The following FEZ1 variants were observed in gnomAD, a reference collection of about 807,000 sequenced individuals.
FEZ1 encodes fasciculation and elongation protein zeta 1, also known as fasciculation and elongation protein zeta-1.
In FEZ1, 20 loss-of-function variants were observed where a neutral mutation model predicts 49.3. The observed-to-expected ratio is 0.41, with a 90% confidence interval of 0.29 to 0.59. FEZ1 has a LOEUF of 0.59. Ranked by LOEUF, FEZ1 falls within the 20% of genes least tolerant of loss-of-function variation. The pLI, the probability that FEZ1 is intolerant of heterozygous loss-of-function variation, is 0.36. For synonymous variants in FEZ1, 170 were observed against 180.9 expected (o/e 0.94, Z 0.48); for missense variants, 413 against 476.0 (o/e 0.87, Z 1.23).
chr11:125,446,309 T>C (rs1437603096), intron 9 of FEZ1, among the ~76,000 whole-genome samples, 198 bp from the exon 10 acceptor site: 4 of 151,504 alleles, frequency 2.6e-5, no homozygotes, highest in Admixed American at 2.6e-4. Flanking sequence ...CTCCGGGGCC[T>C]GAGTTCAAAT....
chr11:125,489,838 A>G lies in FEZ1; in HGVS notation c.-45-16T>C, dbSNP rs1957365220. ...ATGAGTTTATCTAAAAGAAATGAAC[A>G]GCGTAATGTGAGTTTAGACCAGGCT... is the stretch of plus-strand genomic sequence containing the variant. On this transcript the variant is annotated splice_polypyrimidine_tract_variant and intron_variant, in intron 1 of 9. Coordinates refer to ENST00000278919, the MANE Select transcript of FEZ1 (RefSeq NM_005103.5). This position sits in a 1 kb window ranked among gnomAD's most constrained non-coding sequence, Gnocchi z 4.2. 1 of 1,508,554 alleles carries G rather than the reference A, an allele frequency of 6.6e-7. No individual in the cohort carries two copies. The highest frequency in any genetic ancestry group is 8.8e-7 in the Non-Finnish European group (1 of 1,129,946). 93.4% of individuals were successfully genotyped at this position (1,508,554 alleles called of 1,614,324 possible). A position where few individuals can be genotyped will look rare whatever the true frequency, so the allele number is the denominator to read the frequency against.
At chr11:125,478,574 G>A (rs1326857650) in intron 3 of FEZ1, among the ~76,000 whole-genome samples, 2 of 152,222 alleles carry the variant, frequency 1.3e-5, no homozygotes, top group Non-Finnish European at 2.9e-5. Flanking sequence ...AAGGAATACA[G>A]AGCACTGGTT....
Position 125,489,288 on chromosome 11 carries a change from G to T in FEZ1, c.311+179C>A. ...TCAATTTAAGAAAGTTCTCCTCAGG[G>T]GACTGTAAAGGGACATATATAGAGC... On this transcript the variant is annotated intron_variant, in intron 2 of 9. Transcript: ENST00000278919. This position sits in a 1 kb window ranked among gnomAD's most constrained non-coding sequence, Gnocchi z 4.2. 7.9e-6 allele frequency: 10 copies of T among 1,260,366 alleles called. No individual in the cohort carries two copies. The highest frequency in any genetic ancestry group is 1.0e-5 in the Non-Finnish European group (10 of 1,002,944). The allele number at this position is 1,260,366 out of a possible 1,614,324, so 78.1% of individuals were successfully genotyped here.
chr11:125,463,369 C>A, intron 4 of FEZ1, 115 bp downstream of exon 4: 1 of 682,700 alleles, frequency 1.5e-6, no homozygotes, highest in Non-Finnish European at 2.6e-6. Context: ...AGCACAGGCA[C>A]CACATGACCA....
rs767974688 is a variant in FEZ1 at position 125,454,251 on chromosome 11, C to T, written c.940-41G>A. The T allele has an allele frequency of 4.0e-6, 6 of 1,494,790 alleles. No individual in the cohort carries two copies. In the Admixed American group the frequency reaches 5.2e-5, roughly 13 times the overall value. 92.6% of individuals were successfully genotyped at this position (1,494,790 alleles called of 1,614,324 possible). A position where few individuals can be genotyped will look rare whatever the true frequency, so the allele number is the denominator to read the frequency against. On this transcript the variant is annotated intron_variant, in intron 6 of 9. Transcript: ENST00000278919. ...ACTCAAGAAGGGCAAATGCTTCTTG[C>T]TACACTGTCACCACACCCAGGGACC...
intron 3 of FEZ1, among the ~76,000 whole-genome samples, chr11:125,471,263 G>A (rs1957180434): frequency 6.6e-6 from 1 of 152,008 alleles, no homozygotes; most frequent in Non-Finnish European, 1.5e-5. Flanking sequence ...TCAATATTAT[G>A]CCAAATGTCA....
At chr11:125,492,969 A>T (rs1169290419) in intron 1 of FEZ1, among the ~76,000 whole-genome samples, 1 of 96,656 alleles carries the variant, frequency 1.0e-5, no homozygotes, top group East Asian at 2.6e-4. Flanking sequence ...CCCTATCTTT[A>T]AAAAAAAAAA....
rs565967297 is a variant in FEZ1 at position 125,464,856 on chromosome 11, C to T, written c.412-1286G>A. ...AGATGGTGACATCTATTTCCGCTGT[C>T]AAACCCATATGCTCCTCTCTCTGCC... is the stretch of plus-strand genomic sequence containing the variant. On this transcript the variant is annotated intron_variant, in intron 3 of 9. Coordinates refer to ENST00000278919, the MANE Select transcript of FEZ1 (RefSeq NM_005103.5). Among the ~76,000 whole-genome samples, 13 of 152,286 alleles carry T rather than the reference C, an allele frequency of 8.5e-5. No individual in the cohort carries two copies. The East Asian group carries it at 2.3e-3, about 27-fold the overall frequency.
At chr11:125,478,309 G>C (rs929448795) in intron 3 of FEZ1, among the ~76,000 whole-genome samples, 4 of 152,142 alleles carry the variant, frequency 2.6e-5, no homozygotes, top group Non-Finnish European at 4.4e-5. Flanking sequence ...GAGCATGATG[G>C]CACATGCCTG....
chr11:125,474,511 A>G (rs1015249271), intron 3 of FEZ1, among the ~76,000 whole-genome samples: 2 of 152,232 alleles, frequency 1.3e-5, no homozygotes, highest in African/African-American at 4.8e-5. Context: ...AGATAATGTT[A>G]AGAAAATTAA....
chr11:125,454,928 C>T (rs566206180), intron 6 of FEZ1, among the ~76,000 whole-genome samples: 5 of 150,192 alleles, frequency 3.3e-5, no homozygotes, highest in South Asian at 2.1e-4. Context: ...ACAGGAGAAT[C>T]GCTTGAACCC....
intron 5 of FEZ1, among the ~76,000 whole-genome samples, chr11:125,456,683 G>A (rs570153157): frequency 2.0e-5 from 3 of 152,288 alleles, no homozygotes; most frequent in South Asian, 2.1e-4. Flanking sequence ...AAAGCCTAGC[G>A]GGTTAGCATA....
intron 9 of FEZ1, among the ~76,000 whole-genome samples, chr11:125,446,420 C>A (rs1956899686): frequency 6.6e-6 from 1 of 152,216 alleles, no homozygotes; most frequent in Non-Finnish European, 1.5e-5. Flanking sequence ...CTGCGCCTAC[C>A]CCGCAGGGTT....
At chr11:125,446,159 G>T (rs761727083) in intron 9 of FEZ1, 48 bp from the exon 10 acceptor site, 2 of 1,605,596 alleles carry the variant, frequency 1.2e-6, no homozygotes, top group African/African-American at 1.3e-5. Context: ...ACAGTTGCAG[G>T]TGGGGACCTC....
chr11:125,452,289 G>A (rs772941155), intron 8 of FEZ1, 45 bp downstream of exon 8: 7 of 1,307,838 alleles, frequency 5.4e-6, no homozygotes, highest in Non-Finnish European at 7.8e-6. Flanking sequence ...GGCAGGAAGG[G>A]AGAAAAAGGA....
intron 3 of FEZ1, among the ~76,000 whole-genome samples, chr11:125,467,528 G>A (rs1481116751): frequency 6.6e-6 from 1 of 152,214 alleles, no homozygotes; most frequent in East Asian, 1.9e-4. Context: ...CACTTCCACA[G>A]GTAACTTAGC....
At chr11:125,482,124 A>G (rs1957286359) in intron 2 of FEZ1, among the ~76,000 whole-genome samples, 2 of 152,204 alleles carry the variant, frequency 1.3e-5, no homozygotes, top group South Asian at 4.1e-4. Flanking sequence ...CAGAATCATT[A>G]TCTAGTTTAT....
At chr11:125,482,007 CAGAGAGAGAGAGAGAGAA>C (rs1957284280) in intron 2 of FEZ1, among the ~76,000 whole-genome samples, 1 of 147,672 alleles carries the variant, frequency 6.8e-6, no homozygotes, top group African/African-American at 2.5e-5. Flanking sequence ...TTCCTATGGG[CAGAGAGAGAGAGAGAGAA>C]AGAGAGAGAG....
At chr11:125,484,254 C>T (rs1047943362) in intron 2 of FEZ1, among the ~76,000 whole-genome samples, 5 of 152,136 alleles carry the variant, frequency 3.3e-5, no homozygotes, top group South Asian at 2.1e-4. Flanking sequence ...TCATTCTTCA[C>T]AACAATTATA....
Sources: allele counts gnomAD v4.1 joint callset (sites outside exome capture counted in the v4.1 genomes callset), GRCh38; gene constraint gnomAD v4.1.1; non-coding constraint Gnocchi (gnomAD v3.1); transcripts MANE v1.5; gene names NCBI Gene and HGNC (gene_info 2026-07-23, HGNC 2026-07-21).